SLC44A5: variants seen among roughly 807,000 people sequenced by gnomAD.
The protein encoded by SLC44A5 is choline transporter-like protein 5.
In SLC44A5, 57 loss-of-function variants were observed where a neutral mutation model predicts 101.8. The ratio of observed to expected loss-of-function variants is 0.56; its 90% CI spans 0.45 to 0.70. The LOEUF is 0.70. Ranked by LOEUF, SLC44A5 falls within the 30% of genes least tolerant of loss-of-function variation. The pLI, the probability that SLC44A5 is intolerant of heterozygous loss-of-function variation, is 0.00. For missense variants in SLC44A5, 737 were observed against 853.1 expected, an observed-to-expected ratio of 0.86 and a Z score of 1.70; for synonymous variants, 281 against 290.9, an observed-to-expected ratio of 0.97 and a Z score of 0.35.
intron 4 of SLC44A5, among the ~76,000 whole-genome samples, chr1:75,333,883 T>C (rs1657245542): frequency 6.6e-6 from 1 of 152,162 alleles, no homozygotes; most frequent in Non-Finnish European, 1.5e-5. Flanking sequence ...CTGAGAACAC[T>C]TATCCTTTCA....
At chr1:75,633,054 A>T in the SLC44A5 span, among the ~76,000 whole-genome samples, 2 of 152,176 alleles carry the variant, frequency 1.3e-5, no homozygotes, top group Non-Finnish European at 2.9e-5. Context: ...ACTCTGATCT[A>T]TTCATCTTTA....
intron 5 of SLC44A5, among the ~76,000 whole-genome samples, chr1:75,278,122 T>C (rs1652083082): frequency 6.6e-6 from 1 of 152,160 alleles, no homozygotes; most frequent in Non-Finnish European, 1.5e-5. Flanking sequence ...GGACATACTG[T>C]AAGTGCAAAA....
rs1289591462 is a variant in SLC44A5 at position 75,254,654 on chromosome 1, G to A, written c.261-3360C>T. ...GAGAGTTCAGCAATATTTGGAATAC[G>A]GGATGCATATTGAAGTGTGCTGAAC... On this transcript the variant is annotated intron_variant, in intron 6 of 23. Coordinates refer to ENST00000370859, the MANE Select transcript of SLC44A5 (RefSeq NM_001130058.2). Among the ~76,000 whole-genome samples the A allele has an allele frequency of 3.3e-5, 5 of 152,224 alleles. No individual in the cohort carries two copies. The East Asian group carries it at 9.7e-4, about 30-fold the overall frequency.
chr1:75,618,050 CTT>C, the SLC44A5 span, among the ~76,000 whole-genome samples: 1 of 151,992 alleles, frequency 6.6e-6, no homozygotes, highest in Non-Finnish European at 1.5e-5. Flanking sequence ...CGGTGTAACT[CTT>C]TTAACTCAAT....
the SLC44A5 span, among the ~76,000 whole-genome samples, chr1:75,625,913 T>C: frequency 6.6e-6 from 1 of 152,092 alleles, no homozygotes; most frequent in Non-Finnish European, 1.5e-5. Flanking sequence ...GTGCAGTTTG[T>C]AGATATGGTG....
At chr1:75,708,889 G>A in the SLC44A5 span, among the ~76,000 whole-genome samples, 22 of 151,776 alleles carry the variant, frequency 1.4e-4, no homozygotes, top group Admixed American at 6.6e-4. Context: ...ATAATTAGCC[G>A]GTACTTATAA....
At chr1:75,556,304 C>T (rs1672214059) in intron 1 of SLC44A5, among the ~76,000 whole-genome samples, 1 of 151,988 alleles carries the variant, frequency 6.6e-6, no homozygotes, top group Non-Finnish European at 1.5e-5. Context: ...TTACTGTAGC[C>T]AATTATACCT....
the SLC44A5 span, among the ~76,000 whole-genome samples, chr1:75,650,280 C>T: frequency 2.0e-5 from 3 of 152,102 alleles, no homozygotes; most frequent in Non-Finnish European, 2.9e-5. Flanking sequence ...GCACATGCAG[C>T]GTGTTGTACA....
intron 3 of SLC44A5, among the ~76,000 whole-genome samples, chr1:75,372,799 C>T (rs1570025113): frequency 1.3e-5 from 2 of 152,060 alleles, no homozygotes; most frequent in Admixed American, 6.5e-5. Flanking sequence ...ATAATGACCA[C>T]AGAAATATTT....
At chr1:75,604,698 G>A (rs1480065685) in intron 1 of SLC44A5, among the ~76,000 whole-genome samples, 1 of 151,850 alleles carries the variant, frequency 6.6e-6, no homozygotes, top group Non-Finnish European at 1.5e-5. Flanking sequence ...TTTCAGCAGC[G>A]TTTTGTAGTT....
chr1:75,358,853 C>T (rs1006075681), intron 3 of SLC44A5, among the ~76,000 whole-genome samples: 1 of 152,094 alleles, frequency 6.6e-6, no homozygotes, highest in Non-Finnish European at 1.5e-5. Context: ...TGTGGTAAGA[C>T]ATTTGAAATT....
At chr1:75,484,113 A>G (rs1262077214) in intron 2 of SLC44A5, among the ~76,000 whole-genome samples, 1 of 152,194 alleles carries the variant, frequency 6.6e-6, no homozygotes. Context: ...TGGCCCCTCC[A>G]AAATCTCATG....
the SLC44A5 span, among the ~76,000 whole-genome samples, chr1:75,644,688 G>A: frequency 2.6e-5 from 4 of 151,376 alleles, no homozygotes; most frequent in Non-Finnish European, 4.4e-5. Context: ...TGTGCACAAC[G>A]TGCAGGTTTG....
intron 23 of SLC44A5, chr1:75,204,461 A>C (rs1646716321): frequency 6.6e-6 from 1 of 151,784 alleles, no homozygotes. Context: ...TTATGTGTTG[A>C]TTTTTATTTT....
At chr1:75,298,392 A>G (rs1484538754) in intron 5 of SLC44A5, among the ~76,000 whole-genome samples, 2 of 152,192 alleles carry the variant, frequency 1.3e-5, no homozygotes, top group African/African-American at 2.4e-5. Flanking sequence ...ACTACTCAAC[A>G]CAGTTTTTTA....
intron 3 of SLC44A5, among the ~76,000 whole-genome samples, chr1:75,357,995 A>G (rs150333915): frequency 0.011 from 1,425 of 133,584 alleles, 29 homozygotes; most frequent in African/African-American, 0.034. Context: ...TGCTTCTTCA[A>G]TGTCACTTAC....
chr1:75,351,624 T>A (rs1570747441), intron 3 of SLC44A5, among the ~76,000 whole-genome samples: 2 of 152,090 alleles, frequency 1.3e-5, no homozygotes, highest in East Asian at 3.9e-4. Flanking sequence ...AGTTCTAATG[T>A]AAGGGAAAGC....
the SLC44A5 span, among the ~76,000 whole-genome samples, chr1:75,694,159 A>G: frequency 6.6e-6 from 1 of 151,804 alleles, no homozygotes; most frequent in African/African-American, 2.4e-5. Flanking sequence ...TTACTAAAGT[A>G]ATACCTTTGA....
chr1:75,348,149 CCTCT>C (rs893526886), intron 3 of SLC44A5, among the ~76,000 whole-genome samples: 8 of 151,560 alleles, frequency 5.3e-5, no homozygotes, highest in Admixed American at 5.3e-4. Context: ...CTCTCTCTCT[CCTCT>C]CTCTCTCTTT....
Sources: gnomAD v4.1 joint callset for allele counts (sites outside exome capture counted in the v4.1 genomes callset) on GRCh38, gnomAD v4.1.1 for gene constraint, MANE v1.5 for transcripts, NCBI Gene and HGNC (gene_info 2026-07-23, HGNC 2026-07-21) for gene names.